The following SYBU variants were observed in gnomAD, a reference collection of about 807,000 sequenced individuals.
SYBU encodes syntabulin.
In SYBU, 21 loss-of-function variants were observed where a neutral mutation model predicts 35.9. That is an observed-to-expected ratio of 0.58 (90% confidence interval 0.41 to 0.84). The LOEUF (loss-of-function observed/expected upper bound fraction) is 0.84, where lower values mean the gene tolerates loss of function less well. Among genes scored for constraint, SYBU ranks in the 40% least tolerant of loss-of-function variants. SYBU has a pLI of 0.00. For synonymous variants in SYBU, 319 were observed against 324.3 expected, an observed-to-expected ratio of 0.98 and a Z score of 0.18; for missense variants, 768 against 848.2, an observed-to-expected ratio of 0.91 and a Z score of 1.17.
At chr8:109,577,673 C>G (rs1319540255) in intron 6 of SYBU, among the ~76,000 whole-genome samples, 195 bp downstream of exon 6, 2 of 152,206 alleles carry the variant, frequency 1.3e-5, no homozygotes, top group African/African-American at 4.8e-5. Context: ...AACCTACGGG[C>G]CTCCCTGAAC....
chr8:109,582,794 A>C (rs1406157516), intron 4 of SYBU, among the ~76,000 whole-genome samples: 2 of 152,192 alleles, frequency 1.3e-5, no homozygotes, highest in Non-Finnish European at 2.9e-5. Context: ...AAAATGAGGC[A>C]GTTAGGGTGG....
chr8:109,653,107 A>G (rs1816215464), intron 1 of SYBU, among the ~76,000 whole-genome samples: 1 of 152,210 alleles, frequency 6.6e-6, no homozygotes, highest in African/African-American at 2.4e-5. Flanking sequence ...TTAGCTGAAC[A>G]GTCAGGTAAA....
At chr8:109,577,561 T>A (rs1433363273) in intron 6 of SYBU, among the ~76,000 whole-genome samples, 1 of 152,032 alleles carries the variant, frequency 6.6e-6, no homozygotes, top group Non-Finnish European at 1.5e-5. Flanking sequence ...CATTTAAAAA[T>A]AGTCATGCAC....
chr8:109,626,486 G>A (rs931007335), intron 2 of SYBU, among the ~76,000 whole-genome samples: 3 of 152,074 alleles, frequency 2.0e-5, no homozygotes, highest in Non-Finnish European at 4.4e-5. Context: ...CTTTTATGAT[G>A]AAAATTTGAA....
intron 3 of SYBU, among the ~76,000 whole-genome samples, chr8:109,598,225 A>G (rs551801452): frequency 1.3e-5 from 2 of 152,342 alleles, no homozygotes; most frequent in South Asian, 4.1e-4. Flanking sequence ...CTGTAATTTG[A>G]CATACAGATA....
intron 1 of SYBU, among the ~76,000 whole-genome samples, chr8:109,688,820 A>G (rs1047009744): frequency 2.0e-5 from 3 of 151,702 alleles, no homozygotes; most frequent in Non-Finnish European, 2.9e-5. Context: ...TGTTATTTTC[A>G]CACAAGTACT....
At chr8:109,648,839 A>G (rs1326624964), upstream of SYBU, 2 of 151,838 alleles carry the variant, frequency 1.3e-5, no homozygotes, top group Non-Finnish European at 2.9e-5. Context: ...GACGTGCTTC[A>G]CAACACGTCA....
At position 109,691,582 on chromosome 8, in the gene SYBU, G is replaced by T; in HGVS notation, c.-307C>A. The T allele has an allele frequency of 2.3e-6, 1 of 436,102 alleles. No homozygotes were observed. Among genetic ancestry groups the T allele is most frequent in the Non-Finnish European group, 4.0e-6 (1 of 249,402 alleles). The allele number at this position is 436,102 out of a possible 1,614,324, so 27.0% of individuals were successfully genotyped here. On this transcript the variant is annotated 5_prime_UTR_variant, in exon 1 of 8. Transcript: ENST00000422135. This position sits in a 1 kb window ranked among gnomAD's most constrained non-coding sequence, Gnocchi z 4.7. The stretch of plus-strand genomic sequence containing the variant: ...CCTCGGCCTCTGCAGCCAGCCGGGC[G>T]GCTGCTGGGGCTGAGGACAAAATGG...
At position 109,691,504 on chromosome 8, in the gene SYBU, C is replaced by A; in HGVS notation, c.-229G>T. 1 of 503,658 alleles carries A rather than the reference C, an allele frequency of 2.0e-6. No homozygotes were observed. Among genetic ancestry groups the A allele is most frequent in the Non-Finnish European group, 3.4e-6 (1 of 290,902 alleles). 31.2% of individuals were successfully genotyped at this position (503,658 alleles called of 1,614,324 possible). A position where few individuals can be genotyped will look rare whatever the true frequency, so the allele number is the denominator to read the frequency against. ...CCCGGCCCGCTCCGCCCGCCTTAGC[C>A]CGGCTTGGACACGTGGTGCCGCGGA... On this transcript the variant is annotated 5_prime_UTR_variant, in exon 1 of 8. Transcript: ENST00000422135. The surrounding 1 kb of genome is among the most constrained non-coding windows in gnomAD (Gnocchi z 4.7).
intron 1 of SYBU, among the ~76,000 whole-genome samples, chr8:109,670,378 A>G (rs1304318080): frequency 6.6e-6 from 1 of 151,256 alleles, no homozygotes; most frequent in Non-Finnish European, 1.5e-5. Flanking sequence ...GGTATATCTA[A>G]AAAAAAATAA....
intron 2 of SYBU, among the ~76,000 whole-genome samples, chr8:109,639,060 G>C (rs1814561009): frequency 6.6e-6 from 1 of 152,176 alleles, no homozygotes; most frequent in Non-Finnish European, 1.5e-5. Flanking sequence ...GGAGTGCGGA[G>C]GGAAAACAGA....
At chr8:109,626,505 A>G (rs906767023) in intron 2 of SYBU, among the ~76,000 whole-genome samples, 63 of 152,354 alleles carry the variant, frequency 4.1e-4, no homozygotes, top group African/African-American at 1.5e-3. Context: ...AAAGCAATAA[A>G]TACTTTTTGC....
intron 2 of SYBU, among the ~76,000 whole-genome samples, chr8:109,640,337 T>C (rs1478233784): frequency 2.6e-5 from 4 of 151,356 alleles, no homozygotes; most frequent in African/African-American, 7.4e-5. Context: ...TTCTAAAATA[T>C]ATTTGGGGTT....
chr8:109,598,726 C>T (rs183491729), intron 3 of SYBU, among the ~76,000 whole-genome samples: 1 of 152,280 alleles, frequency 6.6e-6, no homozygotes, highest in East Asian at 1.9e-4. Flanking sequence ...TATTAAGTGA[C>T]TAAACTCTAA....
At chr8:109,602,352 A>G (rs2130074742) in intron 3 of SYBU, among the ~76,000 whole-genome samples, 1 of 152,166 alleles carries the variant, frequency 6.6e-6, no homozygotes, top group South Asian at 2.1e-4. Context: ...TGCCTGAAGA[A>G]TTTGTGAAGA....
chr8:109,618,338 C>T (rs1449855478), intron 3 of SYBU, among the ~76,000 whole-genome samples: 2 of 152,172 alleles, frequency 1.3e-5, no homozygotes. Context: ...TGAACATTTA[C>T]ATGTGTTTAT....
chr8:109,597,252 G>A (rs1051541974), intron 3 of SYBU, among the ~76,000 whole-genome samples: 3 of 152,214 alleles, frequency 2.0e-5, no homozygotes, highest in Admixed American at 1.3e-4. Context: ...TTGTCCCAAA[G>A]TGGGGAGGAA....
At chr8:109,640,777 C>A (rs1305084003) in intron 2 of SYBU, among the ~76,000 whole-genome samples, 5 of 107,398 alleles carry the variant, frequency 4.7e-5, no homozygotes, top group Non-Finnish European at 7.5e-5. Flanking sequence ...CAGAATCAAG[C>A]AGACAATTTG....
rs1586703400 is a variant in SYBU at position 109,574,803 on chromosome 8, C to A, written c.*103G>T. 2 of 1,320,234 alleles carry A rather than the reference C, an allele frequency of 1.5e-6. No individual in the cohort carries two copies. Among genetic ancestry groups the A allele is most frequent in the East Asian group, 4.7e-5 (2 of 42,146 alleles). The allele number at this position is 1,320,234 out of a possible 1,614,324, so 81.8% of individuals were successfully genotyped here. On this transcript the variant is annotated 3_prime_UTR_variant, in exon 7 of 7. Coordinates refer to ENST00000276646, the MANE Select transcript of SYBU (RefSeq NM_001099754.2). Reference sequence around the variant, plus strand: ...ATAGTGCAAATCAAATACCAAGGAGCAAAACGACAGAATAGAGACTGTCAC... The same window carrying A: ...ATAGTGCAAATCAAATACCAAGGAGAAAAACGACAGAATAGAGACTGTCAC...
Sources: allele counts gnomAD v4.1 joint callset (sites outside exome capture counted in the v4.1 genomes callset), GRCh38; gene constraint gnomAD v4.1.1; non-coding constraint Gnocchi (gnomAD v3.1); transcripts MANE v1.5; gene names NCBI Gene and HGNC (gene_info 2026-07-23, HGNC 2026-07-21).